The following STK32B variants were observed in gnomAD, a reference collection of about 807,000 sequenced individuals.
STK32B encodes serine/threonine-protein kinase 32B.
STK32B carries 43 observed loss-of-function variants against 52.6 expected under a neutral mutation model. That is an observed-to-expected ratio of 0.82 (90% CI 0.64 to 1.05). STK32B has a LOEUF of 1.05. Among genes scored for constraint, STK32B ranks in the 50% least tolerant of loss-of-function variants. The pLI is 0.00. For missense variants in STK32B, 621 were observed against 534.6 expected (o/e 1.16, Z -1.59); for synonymous variants, 238 against 204.3 (o/e 1.17, Z -1.41).
intron 4 of STK32B, among the ~76,000 whole-genome samples, chr4:5,341,941 A>G (rs953070043): frequency 2.0e-5 from 3 of 152,106 alleles, no homozygotes; most frequent in Non-Finnish European, 2.9e-5. Flanking sequence ...GGTGTGCTGC[A>G]TCCATTAACT....
chr4:5,080,878 C>G (rs1224560708), intron 1 of STK32B, among the ~76,000 whole-genome samples: 1 of 152,176 alleles, frequency 6.6e-6, no homozygotes, highest in Non-Finnish European at 1.5e-5. Flanking sequence ...AGTCACCATG[C>G]TGTACCATTA....
At chr4:5,106,831 T>C (rs62290464) in intron 1 of STK32B, among the ~76,000 whole-genome samples, 13,148 of 152,290 alleles carry the variant, frequency 0.086, 603 homozygotes, top group East Asian at 0.16. Context: ...TTCCTTGTGG[T>C]GTCTTTTGAT....
chr4:5,281,904 C>A (rs980423997), intron 3 of STK32B, among the ~76,000 whole-genome samples: 1 of 152,098 alleles, frequency 6.6e-6, no homozygotes, highest in African/African-American at 2.4e-5. Flanking sequence ...ACATATGTTA[C>A]ATATTTTTTC....
At chr4:5,205,703 CGTGTGTGTGTGT>C (rs71169688) in intron 3 of STK32B, among the ~76,000 whole-genome samples, 3,261 of 141,010 alleles carry the variant, frequency 0.023, 57 homozygotes, top group Middle Eastern at 0.063. Flanking sequence ...GGCGCGCGCG[CGTGTGTGTGTGT>C]GTGTGTGTGT....
chr4:5,186,211 C>T lies in STK32B; in HGVS notation c.260+17761C>T, dbSNP rs145869635. 2.0e-3 allele frequency among the ~76,000 whole-genome samples: 299 copies of T among 152,264 alleles called. 1 individual carries two copies. The highest frequency in any genetic ancestry group is 6.8e-3 in the African/African-American group (281 of 41,544). Reference sequence around the variant, plus strand: ...TCCTCCATCAGCCCTCCTCGGGACACCAGCCCCAGACAGTGGTGCTTTCTC... The same window carrying T: ...TCCTCCATCAGCCCTCCTCGGGACATCAGCCCCAGACAGTGGTGCTTTCTC... On this transcript the variant is annotated intron_variant, in intron 3 of 11. Coordinates refer to ENST00000282908, the MANE Select transcript of STK32B (RefSeq NM_018401.3).
At chr4:5,434,012 C>G (rs893103705) in intron 6 of STK32B, among the ~76,000 whole-genome samples, 13 of 152,202 alleles carry the variant, frequency 8.5e-5, no homozygotes, top group Admixed American at 5.2e-4. Flanking sequence ...CTTTTCATTT[C>G]AAACTTTCAT....
At position 5,058,999 on chromosome 4, in the gene STK32B, C is replaced by T. The variant is rs937697815; in HGVS notation, c.52+7084C>T. 6.6e-6 allele frequency among the ~76,000 whole-genome samples: 1 copy of T among 151,408 alleles called. No individual in the cohort carries two copies. The highest frequency in any genetic ancestry group is 2.1e-4 in the South Asian group (1 of 4,796). On this transcript the variant is annotated intron_variant, in intron 1 of 11. Transcript: ENST00000282908. This position sits in a 1 kb window ranked among gnomAD's most constrained non-coding sequence, Gnocchi z 4.8. ...CTCCTGACCTCAGGTGATCTGCCCA[C>T]CTTGGCCTCCCAAAGTTCTGAGATT...
intron 3 of STK32B, among the ~76,000 whole-genome samples, chr4:5,232,226 C>G (rs1724321146): frequency 6.6e-6 from 1 of 151,970 alleles, no homozygotes; most frequent in Admixed American, 6.6e-5. Flanking sequence ...CGATGATAGT[C>G]TATTAGATAA....
At chr4:5,182,508 G>A (rs2108754552) in intron 3 of STK32B, among the ~76,000 whole-genome samples, 1 of 151,880 alleles carries the variant, frequency 6.6e-6, no homozygotes, top group Admixed American at 6.6e-5. Flanking sequence ...GTTGCCCAGG[G>A]TGGAGTGCAG....
chr4:5,168,272 C>G, intron 2 of STK32B, 27 bp from the exon 3 acceptor site: 1 of 1,592,218 alleles, frequency 6.3e-7, no homozygotes. Context: ...GTTGGCCTGA[C>G]TGTTCTCTCC....
At chr4:5,336,453 A>G (rs1359434381) in intron 4 of STK32B, among the ~76,000 whole-genome samples, 2 of 152,158 alleles carry the variant, frequency 1.3e-5, no homozygotes, top group Non-Finnish European at 2.9e-5. Context: ...GAAAAAAATA[A>G]TAAAGCTTAG....
intron 3 of STK32B, among the ~76,000 whole-genome samples, chr4:5,321,742 T>G (rs557798833): frequency 1.3e-5 from 2 of 152,216 alleles, no homozygotes; most frequent in African/African-American, 4.8e-5. Context: ...GCAAAGCCCC[T>G]CCAGTGGGAC....
chr4:5,411,314 C>T (rs1285957801), intron 5 of STK32B, among the ~76,000 whole-genome samples: 4 of 152,018 alleles, frequency 2.6e-5, no homozygotes, highest in African/African-American at 4.8e-5. Context: ...GGATTACAGG[C>T]GTGAGCCACT....
chr4:5,481,465 T>C (rs1042482362), intron 11 of STK32B, among the ~76,000 whole-genome samples: 30 of 152,186 alleles, frequency 2.0e-4, no homozygotes, highest in African/African-American at 6.8e-4. Flanking sequence ...TTTGAGTTCA[T>C]TGTAGATTCT....
chr4:5,050,939 A>G (rs965359081), upstream of STK32B, among the ~76,000 whole-genome samples: 1 of 152,054 alleles, frequency 6.6e-6, no homozygotes, highest in African/African-American at 2.4e-5. Flanking sequence ...GGGGCAAACT[A>G]TGGCTGTCTG....
At chr4:5,311,430 A>G (rs1730281234) in intron 3 of STK32B, among the ~76,000 whole-genome samples, 1 of 152,182 alleles carries the variant, frequency 6.6e-6, no homozygotes, top group African/African-American at 2.4e-5. Context: ...AGAATGAAAT[A>G]ATAAACAGTA....
At chr4:5,327,558 G>A (rs1731960879) in intron 3 of STK32B, among the ~76,000 whole-genome samples, 1 of 151,894 alleles carries the variant, frequency 6.6e-6, no homozygotes, top group African/African-American at 2.4e-5. Context: ...TATTTTGAAA[G>A]GAATTTTTTT....
rs112893559 is a variant in STK32B, at chr4:5,182,700, C to T, written c.260+14250C>T. Among the ~76,000 whole-genome samples, 50 of 152,262 alleles carry T rather than the reference C, an allele frequency of 3.3e-4. No homozygotes were observed. In the South Asian group the frequency reaches 7.7e-3, roughly 23 times the overall value. On this transcript the variant is annotated intron_variant, in intron 3 of 11. Transcript: ENST00000282908. ...TCTCGAACTCCTGACCTCAGGTAAT[C>T]TGCCTGCCTCGGCCTCTCAAAGTGC...
At chr4:5,144,961 A>G (rs143136464) in intron 2 of STK32B, among the ~76,000 whole-genome samples, 2 of 152,340 alleles carry the variant, frequency 1.3e-5, no homozygotes, top group South Asian at 2.1e-4. Context: ...TAAACAGTCA[A>G]CTATAGTCCA....
Sources: allele counts gnomAD v4.1 joint callset (sites outside exome capture counted in the v4.1 genomes callset), GRCh38; gene constraint gnomAD v4.1.1; non-coding constraint Gnocchi (gnomAD v3.1); transcripts MANE v1.5; gene names NCBI Gene and HGNC (gene_info 2026-07-23, HGNC 2026-07-21).